FAM98B: variants seen among roughly 807,000 people sequenced by gnomAD.
The protein encoded by FAM98B is tRNA splicing ligase complex subunit 3B, also known as tRNA-splicing ligase complex subunit FAM98B.
FAM98B carries 32 observed loss-of-function variants against 43.9 expected under a neutral mutation model. The ratio of observed to expected loss-of-function variants is 0.73; its 90% CI spans 0.55 to 0.98. The LOEUF (loss-of-function observed/expected upper bound fraction) is 0.98, where lower values mean the gene tolerates loss of function less well. Among genes scored for constraint, FAM98B ranks in the 50% least tolerant of loss-of-function variants. The pLI, the probability that FAM98B is intolerant of heterozygous loss-of-function variation, is 0.00. For synonymous variants in FAM98B, 190 were observed against 174.0 expected, an observed-to-expected ratio of 1.09 and a Z score of -0.72; for missense variants, 514 against 522.9, an observed-to-expected ratio of 0.98 and a Z score of 0.17.
chr15:38,464,631 C>G (rs1222836000), intron 2 of FAM98B, among the ~76,000 whole-genome samples: 1 of 152,114 alleles, frequency 6.6e-6, no homozygotes, highest in Admixed American at 6.6e-5. Flanking sequence ...TGTACTAGCT[C>G]ATAAAGCTTC....
At chr15:38,479,550 AT>A (rs1476640545) in intron 6 of FAM98B, among the ~76,000 whole-genome samples, 4 of 152,196 alleles carry the variant, frequency 2.6e-5, no homozygotes, top group Non-Finnish European at 5.9e-5. Context: ...TCCAAGGTTT[AT>A]TCATGTCATA....
At chr15:38,468,370 G>A (rs182414232) in intron 3 of FAM98B, among the ~76,000 whole-genome samples, 15 of 152,046 alleles carry the variant, frequency 9.9e-5, no homozygotes, top group South Asian at 2.1e-4. Flanking sequence ...GACTACAGGC[G>A]TACACCACCA....
intron 5 of FAM98B, 55 bp from the exon 6 acceptor site, chr15:38,474,127 T>C: frequency 1.5e-6 from 2 of 1,327,094 alleles, no homozygotes; most frequent in East Asian, 4.7e-5. Flanking sequence ...AGATTTCTTT[T>C]CTTTGCAGAA....
At position 38,485,756 on chromosome 15, in the gene FAM98B, G is replaced by C. The variant is rs1180293373; in HGVS notation, c.*1097G>C. 6.6e-6 allele frequency: 1 copy of C among 152,106 alleles called. No homozygotes were observed. Among genetic ancestry groups the C allele is most frequent in the Admixed American group, 6.5e-5 (1 of 15,268 alleles). 9.4% of individuals were successfully genotyped at this position (152,106 alleles called of 1,614,324 possible). On this transcript the variant is annotated 3_prime_UTR_variant, in exon 8 of 8. Transcript: ENST00000397609. ...GAATGAGACACTTACCATCATCTCA[G>C]GTTGTTTCTTAAAGACCTAAATACA...
chr15:38,468,144 A>G (rs937343341), intron 3 of FAM98B, among the ~76,000 whole-genome samples: 1 of 152,222 alleles, frequency 6.6e-6, no homozygotes, highest in African/African-American at 2.4e-5. Flanking sequence ...ACATGGAGAA[A>G]GCATGTTTCC....
chr15:38,477,244 TAATGCCAACGTGTAG>T (rs1890215470), intron 6 of FAM98B, among the ~76,000 whole-genome samples: 1 of 151,076 alleles, frequency 6.6e-6, no homozygotes, highest in Admixed American at 6.6e-5. Context: ...TGGCAATTCT[TAATGCCAACGTGTAG>T]TCTTTGTAGC....
Position 38,481,314 on chromosome 15 carries a change from G to T in FAM98B, c.752G>T (p.Arg251Ile). The part of the protein sequence containing the change: ...RAKVKTDDIA[R>I]IYQPKRYALS... ...TAGGTAAAAACAGATGATATAGCAA[G>T]AATTTATCAGCCTAAGCGTTATGCT... Residue 251 changes from arginine (R) to isoleucine (I), a missense_variant, in exon 7 of 8, where the codon AGA becomes ATA. Arg to Ile is a moderately conservative substitution (Grantham distance 97). Transcript: ENST00000397609. The T allele has an allele frequency of 6.2e-7, 1 of 1,613,906 alleles. No homozygotes were observed. Among genetic ancestry groups the T allele is most frequent in the Middle Eastern group, 1.7e-4 (1 of 6,060 alleles).
chr15:38,461,693 G>T lies in FAM98B; in HGVS notation c.72-2339G>T, dbSNP rs544632002. ...ATCTGATATAACCAGAGAATTCAAAGAAAAAGAAATGCAAGTGGCCTTTAA... is the reference window on the plus strand; with the variant it reads ...ATCTGATATAACCAGAGAATTCAAATAAAAAGAAATGCAAGTGGCCTTTAA... On this transcript the variant is annotated intron_variant, in intron 1 of 7. Transcript: ENST00000397609. Among the ~76,000 whole-genome samples, 4 of 152,122 alleles carry T rather than the reference G, an allele frequency of 2.6e-5. No homozygotes were observed. In the South Asian group the frequency reaches 8.3e-4, roughly 32 times the overall value.
In FAM98B at chr15:38,487,587, CT is replaced by C. The variant is rs1219948582; in HGVS notation, c.*2931del. On this transcript the variant is annotated 3_prime_UTR_variant, in exon 8 of 8. Transcript: ENST00000397609. ...AATTTGAGTGACTGAAATTTTTCCT[CT>C]TTCTTCATTGGTGTGGTTAAACAAA... The C allele has an allele frequency of 6.6e-6, 1 of 152,038 alleles. No homozygotes were observed. Among genetic ancestry groups the C allele is most frequent in the East Asian group, 1.9e-4 (1 of 5,196 alleles). 9.4% of individuals were successfully genotyped at this position (152,038 alleles called of 1,614,324 possible). A position where few individuals can be genotyped will look rare whatever the true frequency, so the allele number is the denominator to read the frequency against.
chr15:38,465,848 T>TA (rs1215024857), intron 3 of FAM98B, among the ~76,000 whole-genome samples: 2 of 151,930 alleles, frequency 1.3e-5, no homozygotes, highest in South Asian at 2.1e-4. Flanking sequence ...TGTTTTTTTT[T>TA]AAAAAATATA....
intron 1 of FAM98B, among the ~76,000 whole-genome samples, chr15:38,460,884 G>A (rs1889935953): frequency 6.6e-6 from 1 of 152,044 alleles, no homozygotes; most frequent in Admixed American, 6.6e-5. Flanking sequence ...GGGTATTGTG[G>A]CAACTAAATG....
chr15:38,474,260 G>A lies in FAM98B; in HGVS notation c.691G>A (p.Val231Met), dbSNP rs1403181982. Residue 231 changes from valine (V) to methionine (M), a missense_variant, in exon 6 of 8, where the codon GTG becomes ATG. This residue lies in a region of FAM98B where 469 missense variants were observed against 451.8 expected (regional missense o/e 1.04). Coordinates refer to ENST00000397609, the MANE Select transcript of FAM98B (RefSeq NM_173611.4). ...RRRMLMKRLD[V>M]TVQSFGWSDR... ...ACGAATGTTAATGAAACGATTAGAT[G>A]TGACTGTACAGTCCTTTGGATGGTC... 1.2e-6 allele frequency: 2 copies of A among 1,613,622 alleles called. No individual in the cohort carries two copies. Among genetic ancestry groups the A allele is most frequent in the Non-Finnish European group, 1.7e-6 (2 of 1,179,754 alleles).
chr15:38,474,132 G>A, intron 5 of FAM98B, 50 bp from the exon 6 acceptor site: 1 of 1,354,032 alleles, frequency 7.4e-7, no homozygotes, highest in Non-Finnish European at 1.1e-6. Flanking sequence ...TCTTTTCTTT[G>A]CAGAATGAAA....
intron 1 of FAM98B, among the ~76,000 whole-genome samples, chr15:38,460,639 G>A (rs983732275): frequency 3.3e-5 from 5 of 152,108 alleles, no homozygotes; most frequent in Non-Finnish European, 7.3e-5. Context: ...ATTCTTATTC[G>A]GTTATCTAGC....
At chr15:38,465,141 C>A (rs1388956831) in intron 2 of FAM98B, 128 bp from the exon 3 acceptor site, 3 of 843,084 alleles carry the variant, frequency 3.6e-6, no homozygotes, top group African/African-American at 3.5e-5. Context: ...GCTTCGTGAT[C>A]ACACATTTAA....
intron 3 of FAM98B, among the ~76,000 whole-genome samples, chr15:38,467,159 C>T (rs1354791146): frequency 6.6e-6 from 1 of 152,058 alleles, no homozygotes; most frequent in African/African-American, 2.4e-5. Context: ...ATGTATATTG[C>T]CATATTTTGC....
Position 38,465,765 on chromosome 15 carries a change from A to G in FAM98B, c.352+362A>G, listed in dbSNP as rs191386030. On this transcript the variant is annotated intron_variant, in intron 3 of 7. Coordinates refer to ENST00000397609, the MANE Select transcript of FAM98B (RefSeq NM_173611.4). ...ACTCTCTGAAACTAGGCACTGGATG[A>G]TAATTTGTTGATCACTTACTCTAAC... Among the ~76,000 whole-genome samples the G allele has an allele frequency of 1.9e-3, 290 of 152,254 alleles. 2 individuals carry two copies. The highest frequency in any genetic ancestry group is 6.8e-3 in the African/African-American group (281 of 41,560).
chr15:38,477,015 G>T (rs1034255463), intron 6 of FAM98B, among the ~76,000 whole-genome samples: 14 of 151,924 alleles, frequency 9.2e-5, no homozygotes, highest in Admixed American at 9.2e-4. Context: ...GTTGGGGTTG[G>T]GGGGCAGGTG....
chr15:38,483,278 G>GTAC (rs1404676004), intron 7 of FAM98B: 1 of 152,092 alleles, frequency 6.6e-6, no homozygotes, highest in East Asian at 1.9e-4. Flanking sequence ...AGTGAAATGG[G>GTAC]TACTACATTT....
Sources: gnomAD v4.1 joint callset for allele counts (sites outside exome capture counted in the v4.1 genomes callset) on GRCh38, gnomAD v4.1.1 for gene constraint, gnomAD v4.1.1 regional missense constraint, MANE v1.5 for transcripts, NCBI Gene and HGNC (gene_info 2026-07-23, HGNC 2026-07-21) for gene names.